The following CENPS variants were observed in gnomAD, a reference collection of about 807,000 sequenced individuals.
CENPS encodes FANCM associated histone fold protein 1.
In CENPS, 16 loss-of-function variants were observed where a neutral mutation model predicts 17.9. That is an observed-to-expected ratio of 0.90 (90% CI 0.61 to 1.36). The LOEUF (loss-of-function observed/expected upper bound fraction) is 1.36, where lower values mean the gene tolerates loss of function less well. Among genes scored for constraint, CENPS ranks in the 40% most tolerant of loss-of-function variants. The probability of loss-of-function intolerance (pLI) is 0.00; values close to 1 mark genes in which losing one functional copy is unlikely to be tolerated. For synonymous variants in CENPS, 49 were observed against 55.8 expected (o/e 0.88, Z 0.54); for missense variants, 160 against 158.6 (o/e 1.01, Z -0.05).
intron 1 of CENPS, among the ~76,000 whole-genome samples, chr1:10,432,721 C>T (rs1639977224): frequency 6.6e-6 from 1 of 152,142 alleles, no homozygotes; most frequent in Non-Finnish European, 1.5e-5. Flanking sequence ...CCCTGACCCC[C>T]ACCCATACCT....
At chr1:10,436,544 CA>C (rs61088068) in intron 3 of CENPS, among the ~76,000 whole-genome samples, 82,633 of 143,886 alleles carry the variant, frequency 0.57, 24,336 homozygotes, top group African/African-American at 0.76. Context: ...TCCTAAAATA[CA>C]AAAAAAAAAA....
Position 10,440,401 on chromosome 1 carries a change from G to T in CENPS, c.264G>T (p.Arg88Ser), listed in dbSNP as rs778481415. The change falls in exon 4 of 5, where the codon AGG becomes AGT. Residue 88 changes from arginine to serine, a missense_variant. Arg to Ser is a moderately radical substitution (Grantham distance 110, BLOSUM62 -1). Coordinates refer to ENST00000309048, the MANE Select transcript of CENPS (RefSeq NM_199294.3). ...NTEDVKLLAR[R>S]SNSLLKYITD... ...AAGATGTGAAGCTCTTAGCCAGGAG[G>T]AGTAATTCACTGGTGAGAGATGAAT... is the stretch of plus-strand genomic sequence containing the variant. The T allele has an allele frequency of 5.6e-6, 9 of 1,613,880 alleles. No homozygotes were observed. Among genetic ancestry groups the T allele is most frequent in the Non-Finnish European group, 2.5e-6 (3 of 1,179,964 alleles).
chr1:10,440,240 A>G (rs1640348843), intron 3 of CENPS, 107 bp from the exon 4 acceptor site: 2 of 1,416,096 alleles, frequency 1.4e-6, no homozygotes, highest in Non-Finnish European at 9.5e-7. Flanking sequence ...AGGATGGGCT[A>G]CTTAGAGATC....
At position 10,430,662 on chromosome 1, in the gene CENPS, G is replaced by C. The variant is rs1306848365; in HGVS notation, c.51+94G>C. On this transcript the variant is annotated intron_variant, in intron 1 of 4. Transcript: ENST00000309048. ...CGGCAGCCCCCGGCGGCTTCTCATC[G>C]GCACCCCGCCCCCGGGCGCCCCCCG... 3 of 1,461,760 alleles carry C rather than the reference G, an allele frequency of 2.1e-6. No individual in the cohort carries two copies. In the Admixed American group the frequency reaches 7.7e-5, roughly 37 times the overall value. 90.5% of individuals were successfully genotyped at this position (1,461,760 alleles called of 1,614,324 possible).
At chr1:10,436,708 TAA>T (rs550913401) in intron 3 of CENPS, among the ~76,000 whole-genome samples, 3 of 124,998 alleles carry the variant, frequency 2.4e-5, no homozygotes, top group Admixed American at 8.7e-5. Flanking sequence ...TCTGTCTCTT[TAA>T]AAAAAAAAAA....
intron 3 of CENPS, among the ~76,000 whole-genome samples, chr1:10,436,719 A>AAG (rs1286065743): frequency 8.6e-6 from 1 of 116,000 alleles, no homozygotes; most frequent in Admixed American, 9.0e-5. Context: ...AAAAAAAAAA[A>AAG]AAGAAAAGAA....
chr1:10,431,222 C>G (rs1639898061), intron 1 of CENPS: 11 of 1,525,700 alleles, frequency 7.2e-6, no homozygotes, highest in Middle Eastern at 1.9e-4. Context: ...AGAACGTTGC[C>G]GTGAAGAGGC....
intron 4 of CENPS, among the ~76,000 whole-genome samples, chr1:10,441,971 G>A (rs1029507119): frequency 3.3e-5 from 5 of 152,046 alleles, no homozygotes; most frequent in Admixed American, 3.3e-4. Flanking sequence ...AGGTGTAGTG[G>A]CTCATGCCAA....
intron 1 of CENPS, among the ~76,000 whole-genome samples, chr1:10,431,985 G>A (rs895716877): frequency 6.6e-6 from 1 of 151,884 alleles, no homozygotes; most frequent in Non-Finnish European, 1.5e-5. Flanking sequence ...TTGTCCTAAA[G>A]ATGTTTCTTT....
At chr1:10,431,836 A>AAAGC (rs1322213706) in intron 1 of CENPS, among the ~76,000 whole-genome samples, 1 of 75,780 alleles carries the variant, frequency 1.3e-5, no homozygotes, top group East Asian at 3.4e-4. Context: ...CCTGGGTGAC[A>AAAGC]GAGCGAGACT....
intron 3 of CENPS, among the ~76,000 whole-genome samples, chr1:10,438,163 G>A (rs764172980): frequency 6.6e-6 from 1 of 151,720 alleles, no homozygotes; most frequent in Non-Finnish European, 1.5e-5. Context: ...TTTGTTTTTT[G>A]AGACGGAGTC....
At chr1:10,431,986 A>C (rs1010601067) in intron 1 of CENPS, among the ~76,000 whole-genome samples, 1 of 151,580 alleles carries the variant, frequency 6.6e-6, no homozygotes, top group Non-Finnish European at 1.5e-5. Flanking sequence ...TGTCCTAAAG[A>C]TGTTTCTTTT....
In CENPS at chr1:10,430,452, C is replaced by T; in HGVS notation, c.-66C>T. ...TCGCTCGCGCCGCGGCGGGAAAATC[C>T]GACCTGGCCGCGCACCACCGCCCCT... On this transcript the variant is annotated 5_prime_UTR_variant, in exon 1 of 5. Transcript: ENST00000309048. 3 of 1,522,714 alleles carry T rather than the reference C, an allele frequency of 2.0e-6. No homozygotes were observed. The highest frequency in any genetic ancestry group is 2.6e-6 in the Non-Finnish European group (3 of 1,136,100). The allele number at this position is 1,522,714 out of a possible 1,614,324, so 94.3% of individuals were successfully genotyped here. A position where few individuals can be genotyped will look rare whatever the true frequency, so the allele number is the denominator to read the frequency against.
At chr1:10,442,104 G>T (rs1322897231) in intron 4 of CENPS, among the ~76,000 whole-genome samples, 161 bp from the exon 5 acceptor site, 2 of 151,936 alleles carry the variant, frequency 1.3e-5, no homozygotes, top group African/African-American at 4.8e-5. Flanking sequence ...AAAAAAAATT[G>T]AAGCTGCGTT....
rs914987060 is a variant in CENPS, at chr1:10,430,500, C to T, written c.-18C>T. ...CCTTCTCGGCCCTCCTGCGTTTGCCCAGGGTCGGCCCGCAGTGATGGAGGA... is the reference window on the plus strand; with the variant it reads ...CCTTCTCGGCCCTCCTGCGTTTGCCTAGGGTCGGCCCGCAGTGATGGAGGA... On this transcript the variant is annotated 5_prime_UTR_variant, in exon 1 of 5. Coordinates refer to ENST00000309048, the MANE Select transcript of CENPS (RefSeq NM_199294.3). 1 of 1,537,368 alleles carries T rather than the reference C, an allele frequency of 6.5e-7. No individual in the cohort carries two copies. The highest frequency in any genetic ancestry group is 2.0e-5 in the Admixed American group (1 of 50,250).
At chr1:10,441,302 A>C in intron 4 of CENPS, among the ~76,000 whole-genome samples, 1 of 139,494 alleles carries the variant, frequency 7.2e-6, no homozygotes. Context: ...GATTACAGGC[A>C]TGTGCCACAA....
rs2124286873 is a variant in CENPS at position 10,440,424 on chromosome 1, A to C, written c.276+11A>C. The C allele has an allele frequency of 6.2e-7, 1 of 1,613,686 alleles. No homozygotes were observed. Among genetic ancestry groups the C allele is most frequent in the East Asian group, 2.2e-5 (1 of 44,862 alleles). On this transcript the variant is annotated intron_variant, in intron 4 of 4. Coordinates refer to ENST00000309048, the MANE Select transcript of CENPS (RefSeq NM_199294.3). ...AGGAGTAATTCACTGGTGAGAGATG[A>C]ATTTCTTTCCTCACTCCCCTTTCCC... is the stretch of plus-strand genomic sequence containing the variant.
At chr1:10,442,001 G>A (rs980837838) in intron 4 of CENPS, among the ~76,000 whole-genome samples, 2 of 152,118 alleles carry the variant, frequency 1.3e-5, no homozygotes, top group African/African-American at 2.4e-5. Flanking sequence ...AACTTTGGGA[G>A]GCCAAGGCAG....
At position 10,430,443 on chromosome 1, in the gene CENPS, G is replaced by C. The variant is rs1482509103; in HGVS notation, c.-75G>C. Reference sequence around the variant, plus strand: ...CGCGGCCCGTCGCTCGCGCCGCGGCGGGAAAATCCGACCTGGCCGCGCACC... The same window carrying C: ...CGCGGCCCGTCGCTCGCGCCGCGGCCGGAAAATCCGACCTGGCCGCGCACC... On this transcript the variant is annotated 5_prime_UTR_variant, in exon 1 of 5. Transcript: ENST00000309048. 1 of 1,518,136 alleles carries C rather than the reference G, an allele frequency of 6.6e-7. No homozygotes were observed. Among genetic ancestry groups the C allele is most frequent in the Non-Finnish European group, 8.8e-7 (1 of 1,134,086 alleles). 94.0% of individuals were successfully genotyped at this position (1,518,136 alleles called of 1,614,324 possible).
Sources: allele counts gnomAD v4.1 joint callset (sites outside exome capture counted in the v4.1 genomes callset), GRCh38; gene constraint gnomAD v4.1.1; transcripts MANE v1.5; gene names NCBI Gene and HGNC (gene_info 2026-07-23, HGNC 2026-07-21).